Variants in CMIP observed in about 807,000 individuals in gnomAD.
CMIP encodes the protein c-Maf inducing protein.
CMIP carries 13 observed loss-of-function variants against 97.3 expected under a neutral mutation model. The observed-to-expected ratio is 0.13, with a 90% confidence interval of 0.09 to 0.21. The LOEUF is 0.21. Ranked by LOEUF, CMIP falls within the 10% of genes least tolerant of loss-of-function variation. CMIP has a pLI of 1.00. For missense variants in CMIP, 847 were observed against 1,024.9 expected, an observed-to-expected ratio of 0.83 and a Z score of 2.37; for synonymous variants, 538 against 436.3, an observed-to-expected ratio of 1.23 and a Z score of -2.91.
chr16:81,701,521 C>A, intron 15 of CMIP, 139 bp from the exon 16 acceptor site: 1 of 1,189,654 alleles, frequency 8.4e-7, no homozygotes, highest in Non-Finnish European at 1.2e-6. Flanking sequence ...AGGTGATTTG[C>A]CCAGGCTTAC....
intron 2 of CMIP, among the ~76,000 whole-genome samples, chr16:81,613,079 A>G (rs1482947894): frequency 6.6e-6 from 1 of 152,190 alleles, no homozygotes; most frequent in Non-Finnish European, 1.5e-5. Flanking sequence ...CTAGCAGCGT[A>G]TGTCCTCCTT....
At chr16:81,593,131 T>C (rs1214548354) in intron 1 of CMIP, among the ~76,000 whole-genome samples, 1 of 152,164 alleles carries the variant, frequency 6.6e-6, no homozygotes, top group Non-Finnish European at 1.5e-5. Context: ...CTGCCATAGC[T>C]GGTTTCGTGA....
At chr16:81,659,159 C>A (rs2092517554) in intron 5 of CMIP, among the ~76,000 whole-genome samples, 1 of 152,236 alleles carries the variant, frequency 6.6e-6, no homozygotes, top group South Asian at 2.1e-4. Flanking sequence ...TCACCACCAC[C>A]TTTTTCTGGC....
intron 1 of CMIP, among the ~76,000 whole-genome samples, chr16:81,567,562 C>T (rs548061866): frequency 6.6e-6 from 1 of 152,330 alleles, no homozygotes; most frequent in South Asian, 2.1e-4. Flanking sequence ...CACTTCACAC[C>T]TTCAGGGATG....
intron 1 of CMIP, among the ~76,000 whole-genome samples, chr16:81,572,213 C>G (rs1198819219): frequency 1.3e-5 from 2 of 152,264 alleles, no homozygotes; most frequent in Non-Finnish European, 2.9e-5. Context: ...GTGGTGATTT[C>G]TGGCAACTGC....
At chr16:81,640,770 G>GTGTGTGTGTGTGTCTC (rs376370488) in intron 3 of CMIP, among the ~76,000 whole-genome samples, 7,475 of 135,434 alleles carry the variant, frequency 0.055, 276 homozygotes, top group African/African-American at 0.082. Context: ...GTGTGTGTGT[G>GTGTGTGTGTGTGTCTC]TCTCTCTCTC....
At chr16:81,447,534 G>A (rs967713409) in intron 1 of CMIP, among the ~76,000 whole-genome samples, 31 of 152,222 alleles carry the variant, frequency 2.0e-4, no homozygotes, top group African/African-American at 7.5e-4. Context: ...GCCAGCCCAG[G>A]TAGGTGGCAC....
At chr16:81,662,617 C>G (rs1597212640) in intron 6 of CMIP, among the ~76,000 whole-genome samples, 1 of 152,184 alleles carries the variant, frequency 6.6e-6, no homozygotes, top group Non-Finnish European at 1.5e-5. Flanking sequence ...ATTCCAAGAT[C>G]TGAGGAAAGT....
Position 81,655,461 on chromosome 16 carries a change from T to C in CMIP, c.640-2314T>C, listed in dbSNP as rs1300264119. 1.3e-5 allele frequency among the ~76,000 whole-genome samples: 2 copies of C among 152,324 alleles called. No individual in the cohort carries two copies. Among genetic ancestry groups the C allele is most frequent in the East Asian group, 3.9e-4 (2 of 5,180 alleles). On this transcript the variant is annotated intron_variant, in intron 4 of 20. Transcript: ENST00000537098. The surrounding 1 kb of genome is among the most constrained non-coding windows in gnomAD (Gnocchi z 4.9). ...GGCCTTTGTTGAGTTGCGTGTAAAGTGGCCGCTTAGCTCGAGAGTCAGGTG... is the reference window on the plus strand; with the variant it reads ...GGCCTTTGTTGAGTTGCGTGTAAAGCGGCCGCTTAGCTCGAGAGTCAGGTG...
At chr16:81,653,799 G>C (rs1392174212) in intron 4 of CMIP, among the ~76,000 whole-genome samples, 1 of 152,206 alleles carries the variant, frequency 6.6e-6, no homozygotes. Context: ...TTTTAGTAGA[G>C]ACAAGGTTTC....
At chr16:81,675,376 T>G (rs1904291692) in intron 9 of CMIP, among the ~76,000 whole-genome samples, 1 of 149,828 alleles carries the variant, frequency 6.7e-6, no homozygotes, top group African/African-American at 2.5e-5. Flanking sequence ...GCTAATTTTT[T>G]TTTTTTTTTT....
chr16:81,504,034 A>T (rs1468354412), intron 1 of CMIP, among the ~76,000 whole-genome samples: 1 of 152,190 alleles, frequency 6.6e-6, no homozygotes. Flanking sequence ...TGTTAGAAAA[A>T]GGTCAGTGGG....
rs8059660 is a variant in CMIP, at chr16:81,446,554, G to C, written c.300+1013G>C. The stretch of plus-strand genomic sequence containing the variant: ...TGCCGTGGGGGTCCCATCCTCATTG[G>C]GGGTGTAGCTTGTCTTCCCCAGAAT... On this transcript the variant is annotated intron_variant, in intron 1 of 20. Transcript: ENST00000537098. Among the ~76,000 whole-genome samples, 6 of 152,082 alleles carry C rather than the reference G, an allele frequency of 3.9e-5. No homozygotes were observed. The South Asian group carries it at 1.0e-3, about 26-fold the overall frequency.
intron 10 of CMIP, among the ~76,000 whole-genome samples, chr16:81,684,862 C>T (rs1019787027): frequency 1.3e-4 from 20 of 152,344 alleles, no homozygotes; most frequent in African/African-American, 4.3e-4. Flanking sequence ...CACACCCTGC[C>T]TGGTGCCTGT....
At chr16:81,511,165 A>G (rs1334085664) in intron 1 of CMIP, among the ~76,000 whole-genome samples, 1 of 152,176 alleles carries the variant, frequency 6.6e-6, no homozygotes, top group Non-Finnish European at 1.5e-5. Flanking sequence ...TCTCCCAGCC[A>G]CTGTTTAGAT....
intron 10 of CMIP, among the ~76,000 whole-genome samples, chr16:81,685,589 G>C (rs4889365): frequency 0.22 from 34,011 of 151,756 alleles, 3,989 homozygotes; most frequent in Non-Finnish European, 0.25. Context: ...CTGTCACCGA[G>C]GCTGGAGTAT....
intron 1 of CMIP, among the ~76,000 whole-genome samples, chr16:81,492,366 A>C (rs1331936702): frequency 6.6e-6 from 1 of 152,234 alleles, no homozygotes; most frequent in African/African-American, 2.4e-5. Context: ...TGGCTTTGAG[A>C]CACATGCCTG....
chr16:81,557,102 A>T (rs2090778727), intron 1 of CMIP, among the ~76,000 whole-genome samples: 1 of 152,238 alleles, frequency 6.6e-6, no homozygotes, highest in Non-Finnish European at 1.5e-5. Context: ...AGGTGTCAAC[A>T]CCAAGGGAAG....
At chr16:81,573,161 C>T (rs141481886) in intron 1 of CMIP, among the ~76,000 whole-genome samples, 5 of 152,198 alleles carry the variant, frequency 3.3e-5, no homozygotes, top group South Asian at 2.1e-4. Context: ...CTGGCCAACA[C>T]GGTGAAACCC....
Sources: allele counts gnomAD v4.1 joint callset (sites outside exome capture counted in the v4.1 genomes callset), GRCh38; gene constraint gnomAD v4.1.1; non-coding constraint Gnocchi (gnomAD v3.1); transcripts MANE v1.5; gene names NCBI Gene and HGNC (gene_info 2026-07-23, HGNC 2026-07-21).